The following PCM1 variants were observed in gnomAD, a reference collection of about 807,000 sequenced individuals.
The protein encoded by PCM1 is pericentriolar material 1.
In PCM1, 157 loss-of-function variants were observed where a neutral mutation model predicts 241.9. The ratio of observed to expected loss-of-function variants is 0.65; its 90% CI spans 0.57 to 0.74. PCM1 has a LOEUF of 0.74. PCM1 is among the 30% of genes least tolerant of loss of function. The pLI is 0.00. For missense variants in PCM1, 3,478 were observed against 2,360.1 expected (o/e 1.47, Z -9.81); for synonymous variants, 1,085 against 784.9 (o/e 1.38, Z -6.39).
rs376148457 is a variant in PCM1, at chr8:17,937,275, C to G, written c.238C>G (p.Pro80Ala). The G allele has an allele frequency of 1.9e-6, 3 of 1,610,556 alleles. No homozygotes were observed. Among genetic ancestry groups the G allele is most frequent in the South Asian group, 2.2e-5 (2 of 90,618 alleles). Residue 80 changes from proline (P) to alanine (A), a missense_variant, in exon 4 of 39, where the codon CCA (proline) becomes GCA (alanine). Coordinates refer to ENST00000325083, the MANE Select transcript of PCM1 (RefSeq NM_006197.4). Reference protein sequence around the residue: ...PGVGRRRTKTPHTFPHSRYMS... With the variant: ...PGVGRRRTKTAHTFPHSRYMS... ...AGTTGGAAGGCGAAGAACAAAGACT[C>G]CACATACGTTCCCACACAGTAGATA...
chr8:17,961,833 C>T (rs2072344243), intron 15 of PCM1, among the ~76,000 whole-genome samples: 1 of 152,032 alleles, frequency 6.6e-6, no homozygotes, highest in Admixed American at 6.5e-5. Flanking sequence ...TTTCTGAGGG[C>T]TTGTGTTTGT....
intron 29 of PCM1, among the ~76,000 whole-genome samples, chr8:17,998,637 G>T (rs1477687324): frequency 1.3e-5 from 2 of 152,088 alleles, no homozygotes; most frequent in Non-Finnish European, 2.9e-5. Flanking sequence ...ACAGCACTGG[G>T]GCTTGCCCAA....
chr8:17,943,619 T>C (rs1434972977), intron 6 of PCM1, among the ~76,000 whole-genome samples: 3 of 152,212 alleles, frequency 2.0e-5, no homozygotes, highest in African/African-American at 7.2e-5. Flanking sequence ...TATTCTTTTT[T>C]GAATTCTCTT....
intron 35 of PCM1, 71 bp downstream of exon 35, chr8:18,014,107 A>AT (rs2092860097): frequency 1.2e-6 from 1 of 839,146 alleles, no homozygotes; most frequent in East Asian, 2.8e-5. Context: ...AAAAAAAAAA[A>AT]AAAACACACA....
chr8:18,024,815 C>T (rs574867287), intron 36 of PCM1: 1 of 152,142 alleles, frequency 6.6e-6, no homozygotes, highest in East Asian at 1.9e-4. Context: ...AGAAGAAAAA[C>T]CTAAGATTTC....
In PCM1 at chr8:17,957,786, C is replaced by G. The variant is rs1563918236; in HGVS notation, c.2040+11C>G. On this transcript the variant is annotated intron_variant, in intron 13 of 38. Coordinates refer to ENST00000325083, the MANE Select transcript of PCM1 (RefSeq NM_006197.4). ...GTTGCTATGGTACAGGTAAATATTGCTTGGTCTTTTAAAAACCTATTTGTC... is the reference window on the plus strand; with the variant it reads ...GTTGCTATGGTACAGGTAAATATTGGTTGGTCTTTTAAAAACCTATTTGTC... 2 of 1,564,868 alleles carry G rather than the reference C, an allele frequency of 1.3e-6. No homozygotes were observed. The highest frequency in any genetic ancestry group is 2.2e-5 in the South Asian group (2 of 89,242).
At chr8:17,962,825 C>T (rs904328842) in intron 16 of PCM1, 5 of 227,014 alleles carry the variant, frequency 2.2e-5, no homozygotes, top group Admixed American at 1.2e-4. Flanking sequence ...ATCACTTGAA[C>T]CTGGGAGGCA....
At chr8:17,949,973 A>T (rs889568459) in intron 7 of PCM1, among the ~76,000 whole-genome samples, 2 of 152,152 alleles carry the variant, frequency 1.3e-5, no homozygotes, top group African/African-American at 4.8e-5. Context: ...CTTGTATCAC[A>T]AACAGCCACT....
At chr8:17,931,193 T>C (rs1342912956) in intron 2 of PCM1, among the ~76,000 whole-genome samples, 8 of 152,220 alleles carry the variant, frequency 5.3e-5, no homozygotes, top group Non-Finnish European at 1.2e-4. Context: ...GTGTTCAAAG[T>C]CGTTAGCCAG....
intron 29 of PCM1, among the ~76,000 whole-genome samples, chr8:17,998,060 T>C (rs2087621146): frequency 6.6e-6 from 1 of 151,670 alleles, no homozygotes; most frequent in Non-Finnish European, 1.5e-5. Context: ...AAATTCTGAA[T>C]TCCCTTCCTG....
chr8:17,986,478 T>TTA (rs1211200651), intron 26 of PCM1, among the ~76,000 whole-genome samples: 14 of 121,552 alleles, frequency 1.2e-4, no homozygotes, highest in African/African-American at 4.3e-4. Context: ...GTCTTTGGGT[T>TTA]AAAAAAAAAA....
chr8:17,934,795 C>T (rs985877772), intron 2 of PCM1: 2 of 152,188 alleles, frequency 1.3e-5, no homozygotes, highest in Non-Finnish European at 2.9e-5. Context: ...TTCTGATGAT[C>T]ATCTCTGCCT....
chr8:17,924,565 CTT>C (rs781779390), intron 1 of PCM1, 146 bp from the exon 2 acceptor site: 8 of 152,178 alleles, frequency 5.3e-5, no homozygotes, highest in African/African-American at 7.2e-5. Flanking sequence ...ATTGAGGTAA[CTT>C]AAATTTAAAA....
chr8:18,003,725 T>C (rs2090374336), intron 29 of PCM1, among the ~76,000 whole-genome samples: 1 of 152,140 alleles, frequency 6.6e-6, no homozygotes, highest in Non-Finnish European at 1.5e-5. Flanking sequence ...TTTTACCAAG[T>C]GTTTTGTGAA....
At chr8:17,982,324 C>T (rs1012182176) in intron 24 of PCM1, among the ~76,000 whole-genome samples, 1 of 152,074 alleles carries the variant, frequency 6.6e-6, no homozygotes, top group Non-Finnish European at 1.5e-5. Flanking sequence ...GGACACTAAA[C>T]TGAAAGTCTT....
At chr8:17,968,194 AG>A (rs2129470216) in intron 21 of PCM1, among the ~76,000 whole-genome samples, 1 of 152,338 alleles carries the variant, frequency 6.6e-6, no homozygotes, top group South Asian at 2.1e-4. Context: ...CAGGGAATTT[AG>A]AGGTATTTAA....
At chr8:17,939,572 G>C in intron 5 of PCM1, 119 bp from the exon 6 acceptor site, 2 of 496,526 alleles carry the variant, frequency 4.0e-6, no homozygotes, top group Non-Finnish European at 6.8e-6. Context: ...AATAATCCAA[G>C]TGTCTTTGGT....
rs1184407726 is a variant in PCM1, at chr8:17,991,705, A to G, written c.4690+5A>G. On this transcript the variant is annotated splice_donor_5th_base_variant and intron_variant, in intron 28 of 38. Coordinates refer to ENST00000325083, the MANE Select transcript of PCM1 (RefSeq NM_006197.4). ...CTACAGTTAATAATTTAGAAGGTATATATTTTTGTTTTCGGTAGGTTTTTG... is the reference window on the plus strand; with the variant it reads ...CTACAGTTAATAATTTAGAAGGTATGTATTTTTGTTTTCGGTAGGTTTTTG... The G allele has an allele frequency of 2.6e-6, 4 of 1,540,288 alleles. No homozygotes were observed. In the South Asian group the frequency reaches 3.6e-5, roughly 14 times the overall value.
At chr8:17,933,927 T>C (rs367614914) in intron 2 of PCM1, among the ~76,000 whole-genome samples, 1 of 152,208 alleles carries the variant, frequency 6.6e-6, no homozygotes, top group East Asian at 1.9e-4. Context: ...TACTTTCAAC[T>C]CTTTAGAGAA....
Sources: gnomAD v4.1 joint callset for allele counts (sites outside exome capture counted in the v4.1 genomes callset) on GRCh38, gnomAD v4.1.1 for gene constraint, MANE v1.5 for transcripts, NCBI Gene and HGNC (gene_info 2026-07-23, HGNC 2026-07-21) for gene names.